PPA2: variants seen among roughly 807,000 people sequenced by gnomAD.
The protein encoded by PPA2 is inorganic pyrophosphatase 2.
In PPA2, 48 loss-of-function variants were observed where a neutral mutation model predicts 49.5. That is an observed-to-expected ratio of 0.97 (90% CI 0.77 to 1.23). The LOEUF (loss-of-function observed/expected upper bound fraction) is 1.23, where lower values mean the gene tolerates loss of function less well. PPA2 is among the 50% of genes most tolerant of loss of function. PPA2 has a pLI of 0.00. For synonymous variants in PPA2, 131 were observed against 139.9 expected, an observed-to-expected ratio of 0.94 and a Z score of 0.45; for missense variants, 429 against 410.1, an observed-to-expected ratio of 1.05 and a Z score of -0.40.
intron 7 of PPA2, among the ~76,000 whole-genome samples, chr4:105,408,086 A>G (rs1017532961): frequency 3.2e-5 from 3 of 94,774 alleles, no homozygotes; most frequent in Non-Finnish European, 4.8e-5. Flanking sequence ...TAGATAAGGA[A>G]ACAAACAATT....
chr4:105,378,458 T>A (rs1211418884), intron 10 of PPA2, among the ~76,000 whole-genome samples: 1 of 152,162 alleles, frequency 6.6e-6, no homozygotes, highest in Non-Finnish European at 1.5e-5. Flanking sequence ...TTTCTTGAGT[T>A]GTGAAAGTTC....
intron 7 of PPA2, among the ~76,000 whole-genome samples, chr4:105,406,819 G>T (rs867031480): frequency 6.6e-6 from 1 of 152,084 alleles, no homozygotes; most frequent in Non-Finnish European, 1.5e-5. Context: ...TTGTTCAGGG[G>T]TCAACTGTAT....
Position 105,369,660 on chromosome 4 carries a change from C to T in PPA2, c.*65G>A, listed in dbSNP as rs1732943407. 3 of 915,952 alleles carry T rather than the reference C, an allele frequency of 3.3e-6. No individual in the cohort carries two copies. In the East Asian group the frequency reaches 1.4e-4, roughly 42 times the overall value. 56.7% of individuals were successfully genotyped at this position (915,952 alleles called of 1,614,324 possible). ...AAGTCAGTAAATGCTCATAGACCCC[C>T]TTGTCTCTAGCACTTGGAGTCCTTA... On this transcript the variant is annotated 3_prime_UTR_variant, in exon 12 of 12. Transcript: ENST00000341695.
chr4:105,462,286 T>C (rs952505046), intron 1 of PPA2, among the ~76,000 whole-genome samples: 3 of 152,294 alleles, frequency 2.0e-5, no homozygotes, highest in Non-Finnish European at 4.4e-5. Flanking sequence ...TAGTGATACA[T>C]CTTAGGTTAG....
rs998720571 is a variant in PPA2, at chr4:105,424,222, T to C, written c.629A>G (p.Asn210Ser). The change falls in exon 7 of 12, where the codon AAT (asparagine) becomes AGT (serine). Residue 210 changes from asparagine to serine, a missense_variant. Coordinates refer to ENST00000341695, the MANE Select transcript of PPA2 (RefSeq NM_176869.3). ...TDWKLIAINA[N>S]DPEASKFHDI... ...ATGAAACTTTGAGGCTTCAGGATCA[T>C]TCGCATTGATAGCAATTAATTTCCA... 1.9e-6 allele frequency: 3 copies of C among 1,608,326 alleles called. No individual in the cohort carries two copies. The highest frequency in any genetic ancestry group is 1.7e-6 in the Non-Finnish European group (2 of 1,178,794).
intron 6 of PPA2, among the ~76,000 whole-genome samples, chr4:105,428,974 C>T (rs1157289718): frequency 6.6e-6 from 1 of 151,930 alleles, no homozygotes; most frequent in Admixed American, 6.6e-5. Context: ...AATTAATATC[C>T]CTGCTTAGTG....
chr4:105,371,001 G>A (rs1733003136), intron 10 of PPA2, 128 bp from the exon 11 acceptor site: 2 of 831,524 alleles, frequency 2.4e-6, no homozygotes, highest in Admixed American at 9.6e-5. Context: ...CCTGAAAAAG[G>A]TAAATATTCC....
intron 9 of PPA2, among the ~76,000 whole-genome samples, chr4:105,390,450 TAAAC>T (rs1009331996): frequency 7.4e-6 from 1 of 135,500 alleles, no homozygotes; most frequent in Admixed American, 7.9e-5. Flanking sequence ...ACAAGGAACT[TAAAC>T]AAATTTACAA....
chr4:105,442,046 C>G (rs1339841680), intron 5 of PPA2, among the ~76,000 whole-genome samples: 3 of 151,726 alleles, frequency 2.0e-5, no homozygotes, highest in South Asian at 2.1e-4. Context: ...ACTCTGCCAC[C>G]CAGGCTGAAG....
At chr4:105,379,596 T>C (rs1733400055) in intron 10 of PPA2, among the ~76,000 whole-genome samples, 2 of 151,148 alleles carry the variant, frequency 1.3e-5, no homozygotes. Context: ...CCCCAGTAGC[T>C]GGGATTTCAG....
intron 7 of PPA2, among the ~76,000 whole-genome samples, chr4:105,403,006 CTTT>C (rs1274376695): frequency 6.7e-6 from 1 of 148,588 alleles, no homozygotes; most frequent in Non-Finnish European, 1.5e-5. Context: ...CTTTTTCTTT[CTTT>C]CTTTCTCTCT....
rs1190793479 is a variant in PPA2 at position 105,378,049 on chromosome 4, T to C, written c.940-7176A>G. Among the ~76,000 whole-genome samples, 3 of 152,160 alleles carry C rather than the reference T, an allele frequency of 2.0e-5. 1 individual carries two copies. Among genetic ancestry groups the C allele is most frequent in the African/African-American group, 7.2e-5 (3 of 41,458 alleles). On this transcript the variant is annotated intron_variant, in intron 10 of 11. Coordinates refer to ENST00000341695, the MANE Select transcript of PPA2 (RefSeq NM_176869.3). ...TACACTTCCTTTTGTCTTGGGTAAA[T>C]ATATATGAGTGGAATGACTTGATCA...
chr4:105,369,792 A>C lies in PPA2; in HGVS notation c.977-39T>G, dbSNP rs755398011. On this transcript the variant is annotated intron_variant, in intron 11 of 11. Transcript: ENST00000341695. ...GGGGAAAGAGGGTATTAGGGAAGGGATAAGAGGAGGGAGAAGGGAGTGATT... is the reference window on the plus strand; with the variant it reads ...GGGGAAAGAGGGTATTAGGGAAGGGCTAAGAGGAGGGAGAAGGGAGTGATT... 20 of 1,534,100 alleles carry C rather than the reference A, an allele frequency of 1.3e-5. No individual in the cohort carries two copies. The South Asian group carries it at 2.2e-4, about 17-fold the overall frequency.
At chr4:105,395,420 G>A (rs1329276378) in intron 9 of PPA2, among the ~76,000 whole-genome samples, 1 of 125,408 alleles carries the variant, frequency 8.0e-6, no homozygotes, top group East Asian at 3.6e-4. Flanking sequence ...CTTACCAAGA[G>A]TCAGTTGTTT....
At chr4:105,384,114 T>C (rs1384340534) in intron 10 of PPA2, among the ~76,000 whole-genome samples, 1 of 152,192 alleles carries the variant, frequency 6.6e-6, no homozygotes, top group Non-Finnish European at 1.5e-5. Flanking sequence ...ATCTGGGCTC[T>C]AAGAATCCGA....
intron 5 of PPA2, among the ~76,000 whole-genome samples, chr4:105,442,005 A>AT (rs1724391551): frequency 1.0e-5 from 1 of 97,388 alleles, no homozygotes; most frequent in South Asian, 3.0e-4. Context: ...CACTACCATC[A>AT]CTTTTTTTTT....
chr4:105,381,563 T>C (rs56387770), intron 10 of PPA2, among the ~76,000 whole-genome samples: 18,448 of 152,090 alleles, frequency 0.12, 1,175 homozygotes, highest in African/African-American at 0.15. Flanking sequence ...TTTACAAGTT[T>C]ATTTAGGTTT....
intron 6 of PPA2, among the ~76,000 whole-genome samples, chr4:105,437,329 G>T (rs1419256740): frequency 6.6e-6 from 1 of 152,156 alleles, no homozygotes; most frequent in Non-Finnish European, 1.5e-5. Context: ...TTGAATGTCT[G>T]CAGAGAACAA....
intron 7 of PPA2, chr4:105,406,097 C>G (rs1328313588): frequency 1.5e-5 from 1 of 65,296 alleles, no homozygotes; most frequent in Non-Finnish European, 3.2e-5. Flanking sequence ...AGATGAGGAA[C>G]AGAAACTATA....
Sources: gnomAD v4.1 joint callset for allele counts (sites outside exome capture counted in the v4.1 genomes callset) on GRCh38, gnomAD v4.1.1 for gene constraint, MANE v1.5 for transcripts, NCBI Gene and HGNC (gene_info 2026-07-23, HGNC 2026-07-21) for gene names.